SOX5: variants seen among roughly 807,000 people sequenced by gnomAD.
The protein encoded by SOX5 is transcription factor SOX-5.
A neutral mutation model predicts 92.0 loss-of-function variants in SOX5; 9 were observed. That is an observed-to-expected ratio of 0.10 (90% CI 0.06 to 0.17). The LOEUF (loss-of-function observed/expected upper bound fraction) is 0.17. Ranked by LOEUF, SOX5 falls within the 10% of genes least tolerant of loss-of-function variation. The probability of loss-of-function intolerance (pLI) is 1.00; values close to 1 mark genes in which losing one functional copy is unlikely to be tolerated. For missense variants in SOX5, 642 were observed against 944.5 expected, an observed-to-expected ratio of 0.68 and a Z score of 4.20; for synonymous variants, 344 against 336.3, an observed-to-expected ratio of 1.02 and a Z score of -0.25.
intron 2 of SOX5, among the ~76,000 whole-genome samples, chr12:23,883,881 TTGAC>T (rs375179198): frequency 1.2e-4 from 19 of 152,212 alleles, no homozygotes; most frequent in African/African-American, 3.9e-4. Flanking sequence ...TTATAAATAT[TTGAC>T]TGAGAGATAA....
intron 4 of SOX5, among the ~76,000 whole-genome samples, chr12:24,174,727 A>G (rs991867656): frequency 6.6e-6 from 1 of 152,002 alleles, no homozygotes; most frequent in Non-Finnish European, 1.5e-5. Flanking sequence ...AGGCTGAGGA[A>G]GGAGAATCGC....
chr12:24,412,879 C>A (rs1054552013), intron 1 of SOX5, among the ~76,000 whole-genome samples: 4 of 151,552 alleles, frequency 2.6e-5, no homozygotes, highest in Non-Finnish European at 5.9e-5. Context: ...CCTCAGCATC[C>A]CGAGTAGCTG....
intron 1 of SOX5, among the ~76,000 whole-genome samples, chr12:24,412,928 T>C (rs984959728): frequency 1.6e-4 from 25 of 152,024 alleles, no homozygotes; most frequent in African/African-American, 5.8e-4. Context: ...GCTAATTTTT[T>C]GTATTTTTAG....
intron 4 of SOX5, among the ~76,000 whole-genome samples, chr12:24,071,153 ATAAT>A (rs576122941): frequency 5.3e-4 from 80 of 152,340 alleles, no homozygotes; most frequent in African/African-American, 1.6e-3. Flanking sequence ...TTATACTTAA[ATAAT>A]TAGTTATGCT....
chr12:23,780,430 G>GTTATTTGT (rs954726663), intron 3 of SOX5, among the ~76,000 whole-genome samples: 1 of 150,990 alleles, frequency 6.6e-6, no homozygotes, highest in Non-Finnish European at 1.5e-5. Flanking sequence ...GTAGTGAGAG[G>GTTATTTGT]TTTTTTGTTT....
intron 3 of SOX5, among the ~76,000 whole-genome samples, chr12:23,806,616 C>G (rs1468583430): frequency 7.0e-6 from 1 of 143,252 alleles, no homozygotes; most frequent in Non-Finnish European, 1.5e-5. Flanking sequence ...AAAACTTTTC[C>G]TAAAACAAGA....
intron 1 of SOX5, among the ~76,000 whole-genome samples, chr12:23,932,961 A>G (rs1248627779): frequency 2.0e-5 from 3 of 151,634 alleles, no homozygotes; most frequent in Non-Finnish European, 4.4e-5. Context: ...ATAAAATGAT[A>G]AATTGTAAAA....
intron 1 of SOX5, among the ~76,000 whole-genome samples, chr12:24,485,101 G>A (rs558498020): frequency 6.6e-6 from 1 of 152,116 alleles, no homozygotes; most frequent in Non-Finnish European, 1.5e-5. Flanking sequence ...CAGAAAAGTG[G>A]AGATGGGCTC....
At chr12:23,925,894 T>G (rs1183963165) in intron 1 of SOX5, among the ~76,000 whole-genome samples, 3 of 152,024 alleles carry the variant, frequency 2.0e-5, no homozygotes, top group Non-Finnish European at 4.4e-5. Flanking sequence ...AAATAAAATA[T>G]CTCACAAAAA....
intron 4 of SOX5, among the ~76,000 whole-genome samples, chr12:23,966,349 G>A (rs1947583272): frequency 6.6e-6 from 1 of 151,154 alleles, no homozygotes; most frequent in Non-Finnish European, 1.5e-5. Flanking sequence ...ATTTTGTTCA[G>A]TAACTGTCAT....
intron 9 of SOX5, among the ~76,000 whole-genome samples, chr12:23,590,890 C>G (rs1037914226): frequency 1.3e-5 from 2 of 151,964 alleles, no homozygotes; most frequent in African/African-American, 2.4e-5. Context: ...AGATAAACAA[C>G]GTGTCTCTTT....
chr12:23,883,142 C>CT (rs2097018105), intron 2 of SOX5, among the ~76,000 whole-genome samples: 1 of 151,500 alleles, frequency 6.6e-6, no homozygotes, highest in Non-Finnish European at 1.5e-5. Context: ...GATCGCGCCA[C>CT]TGCACTCCAG....
At chr12:24,241,240 C>G (rs926193885) in intron 3 of SOX5, among the ~76,000 whole-genome samples, 4 of 152,078 alleles carry the variant, frequency 2.6e-5, no homozygotes, top group African/African-American at 9.7e-5. Context: ...TTTTTTCTTA[C>G]TAGTTAAGAT....
intron 2 of SOX5, among the ~76,000 whole-genome samples, chr12:23,877,265 G>T (rs1002868577): frequency 6.6e-6 from 1 of 151,502 alleles, no homozygotes; most frequent in Non-Finnish European, 1.5e-5. Context: ...TTGCAGTTAT[G>T]CTAATTGTGG....
At chr12:24,511,044 C>T (rs1949259036) in intron 1 of SOX5, among the ~76,000 whole-genome samples, 2 of 152,122 alleles carry the variant, frequency 1.3e-5, no homozygotes, top group South Asian at 2.1e-4. Flanking sequence ...GTAAATTCTG[C>T]GGGACCAGGG....
intron 3 of SOX5, among the ~76,000 whole-genome samples, chr12:23,757,699 T>C (rs1451576679): frequency 6.6e-6 from 1 of 151,852 alleles, no homozygotes; most frequent in South Asian, 2.1e-4. Context: ...AATGCAGCAA[T>C]AGAAATCCAT....
At chr12:23,878,384 C>A (rs2096951930) in intron 2 of SOX5, among the ~76,000 whole-genome samples, 1 of 151,914 alleles carries the variant, frequency 6.6e-6, no homozygotes, top group Non-Finnish European at 1.5e-5. Context: ...TTCTAGACTT[C>A]AGTATACTCA....
chr12:24,023,646 T>C (rs986955768), intron 4 of SOX5, among the ~76,000 whole-genome samples: 1 of 152,112 alleles, frequency 6.6e-6, no homozygotes, highest in Non-Finnish European at 1.5e-5. Context: ...TTTGGGGTTA[T>C]CTATGCATTT....
chr12:24,315,628 C>T (rs977574648), intron 2 of SOX5, among the ~76,000 whole-genome samples: 1 of 152,074 alleles, frequency 6.6e-6, no homozygotes, highest in Admixed American at 6.5e-5. Context: ...TTATGACTCT[C>T]ATTACCAGAA....
Sources: gnomAD v4.1 joint callset for allele counts (sites outside exome capture counted in the v4.1 genomes callset) on GRCh38, gnomAD v4.1.1 for gene constraint, MANE v1.5 for transcripts, NCBI Gene and HGNC (gene_info 2026-07-23, HGNC 2026-07-21) for gene names.